TBC1D1: variants seen among roughly 807,000 people sequenced by gnomAD.
TBC1D1 encodes the protein TBC1 (tre-2/USP6, BUB2, cdc16) domain family, member 1.
A neutral mutation model predicts 125.6 loss-of-function variants in TBC1D1; 89 were observed. The ratio of observed to expected loss-of-function variants is 0.71; its 90% confidence interval spans 0.60 to 0.85. The LOEUF is 0.85. TBC1D1 is among the 40% of genes least tolerant of loss of function. TBC1D1 has a pLI of 0.00. For missense variants in TBC1D1, 1,377 were observed against 1,469.2 expected, an observed-to-expected ratio of 0.94 and a Z score of 1.03; for synonymous variants, 565 against 564.1, an observed-to-expected ratio of 1.00 and a Z score of -0.02.
chr4:37,946,995 T>C (rs1225689050), intron 2 of TBC1D1, among the ~76,000 whole-genome samples: 2 of 152,068 alleles, frequency 1.3e-5, no homozygotes, highest in South Asian at 2.1e-4. Context: ...AGGTGGTAAA[T>C]GGCATGCGAC....
intron 6 of TBC1D1, among the ~76,000 whole-genome samples, chr4:38,024,336 C>T (rs1163005365): frequency 2.6e-5 from 4 of 152,168 alleles, no homozygotes; most frequent in Non-Finnish European, 2.9e-5. Context: ...AAAAAGCCAG[C>T]AGTGACTTTG....
intron 12 of TBC1D1, among the ~76,000 whole-genome samples, chr4:38,074,371 G>A (rs1755208414): frequency 6.6e-6 from 1 of 152,162 alleles, no homozygotes; most frequent in South Asian, 2.1e-4. Context: ...CAGTTTTCAC[G>A]ATGTCCCAGA....
chr4:37,947,184 T>G (rs1726883650), intron 2 of TBC1D1, among the ~76,000 whole-genome samples: 1 of 152,146 alleles, frequency 6.6e-6, no homozygotes, highest in Admixed American at 6.5e-5. Flanking sequence ...TGAGACAGAG[T>G]CTTGCTCTGT....
At chr4:38,051,425 A>G (rs138841948) in intron 11 of TBC1D1, among the ~76,000 whole-genome samples, 127 of 152,118 alleles carry the variant, frequency 8.3e-4, no homozygotes, top group African/African-American at 3.0e-3. Flanking sequence ...TTTTGTTTAT[A>G]CTTTAATTAA....
chr4:38,057,929 C>A (rs527862602), intron 12 of TBC1D1, among the ~76,000 whole-genome samples: 2 of 152,188 alleles, frequency 1.3e-5, no homozygotes, highest in Admixed American at 1.3e-4. Context: ...AGATGCAGGA[C>A]GCTGCGGGAC....
intron 12 of TBC1D1, among the ~76,000 whole-genome samples, chr4:38,076,488 C>T (rs1390127435): frequency 6.6e-6 from 1 of 152,126 alleles, no homozygotes; most frequent in African/African-American, 2.4e-5. Context: ...TCTTCTGAGC[C>T]CTATTCCTAC....
intron 7 of TBC1D1, among the ~76,000 whole-genome samples, chr4:38,028,236 G>A (rs1414554742): frequency 6.6e-6 from 1 of 152,162 alleles, no homozygotes; most frequent in Non-Finnish European, 1.5e-5. Context: ...CATGATCTGG[G>A]CTCCCTGCAG....
At chr4:38,000,313 A>AT (rs11372657) in intron 2 of TBC1D1, among the ~76,000 whole-genome samples, 20,850 of 151,990 alleles carry the variant, frequency 0.14, 2,014 homozygotes, top group African/African-American at 0.28. Flanking sequence ...AAAATCTAAT[A>AT]TTTTCTTTGA....
chr4:38,112,868 G>C (rs1762423513), intron 15 of TBC1D1, among the ~76,000 whole-genome samples: 1 of 152,216 alleles, frequency 6.6e-6, no homozygotes, highest in African/African-American at 2.4e-5. Flanking sequence ...TCTGCCGTTA[G>C]ATTGCCACGG....
At chr4:37,920,132 A>C (rs367862993) in intron 2 of TBC1D1, among the ~76,000 whole-genome samples, 140 of 152,290 alleles carry the variant, frequency 9.2e-4, no homozygotes, top group African/African-American at 3.3e-3. Flanking sequence ...ACAACAACAA[A>C]AAACATTAAC....
intron 18 of TBC1D1, among the ~76,000 whole-genome samples, chr4:38,129,305 C>T (rs1578856535): frequency 6.6e-6 from 1 of 152,144 alleles, no homozygotes; most frequent in African/African-American, 2.4e-5. Context: ...GTGGGGGAGC[C>T]GTCACTTCTT....
intron 15 of TBC1D1, among the ~76,000 whole-genome samples, chr4:38,115,333 C>T (rs150082276): frequency 0.014 from 2,170 of 152,192 alleles, 40 homozygotes; most frequent in Admixed American, 0.049. Context: ...AACTCCTGAC[C>T]TCAGGCGATC....
At chr4:38,132,112 T>A (rs1181704572) in intron 18 of TBC1D1, among the ~76,000 whole-genome samples, 1 of 152,152 alleles carries the variant, frequency 6.6e-6, no homozygotes, top group Non-Finnish European at 1.5e-5. Context: ...CTTAAGGCAA[T>A]GCAATAGAGA....
chr4:38,043,560 G>A (rs1047301021), intron 8 of TBC1D1, among the ~76,000 whole-genome samples: 2 of 147,546 alleles, frequency 1.4e-5, no homozygotes, highest in Non-Finnish European at 1.5e-5. Flanking sequence ...TCCAGCCTGG[G>A]CAACAAAGTG....
At chr4:38,125,817 G>T (rs1764541067) in intron 18 of TBC1D1, among the ~76,000 whole-genome samples, 1 of 152,202 alleles carries the variant, frequency 6.6e-6, no homozygotes, top group African/African-American at 2.4e-5. Context: ...GCCAGTAATG[G>T]CTGCTGATGA....
chr4:37,974,995 G>C (rs1050815405), intron 2 of TBC1D1, among the ~76,000 whole-genome samples: 7 of 152,208 alleles, frequency 4.6e-5, no homozygotes, highest in Non-Finnish European at 1.0e-4. Flanking sequence ...GTGCAGAGAC[G>C]AGAGAGTGTA....
chr4:37,892,381 A>C (rs1392158161), intron 1 of TBC1D1, among the ~76,000 whole-genome samples: 2 of 152,110 alleles, frequency 1.3e-5, no homozygotes, highest in African/African-American at 4.8e-5. Context: ...GTGCCACCTC[A>C]CTGGAGCCTG....
At chr4:38,102,437 G>A (rs1760524059) in intron 14 of TBC1D1, among the ~76,000 whole-genome samples, 1 of 151,998 alleles carries the variant, frequency 6.6e-6, no homozygotes, top group Non-Finnish European at 1.5e-5. Context: ...AGTCTGACAG[G>A]GTCAGAACAT....
At chr4:37,982,498 A>T (rs569115201) in intron 2 of TBC1D1, among the ~76,000 whole-genome samples, 1 of 152,328 alleles carries the variant, frequency 6.6e-6, no homozygotes, top group Non-Finnish European at 1.5e-5. Context: ...CAAAGCTGGT[A>T]TAACCCTGAC....
Sources: allele counts gnomAD v4.1 joint callset (sites outside exome capture counted in the v4.1 genomes callset), GRCh38; gene constraint gnomAD v4.1.1; transcripts MANE v1.5; gene names NCBI Gene and HGNC (gene_info 2026-07-23, HGNC 2026-07-21).